Variants in MAML2 observed in about 807,000 individuals in gnomAD.
MAML2 encodes mastermind like transcriptional coactivator 2.
Under a neutral mutation model 96.1 loss-of-function variants are expected in MAML2, and 22 were observed. The ratio of observed to expected loss-of-function variants is 0.23; its 90% CI spans 0.16 to 0.33. The LOEUF is 0.33. Among genes scored for constraint, MAML2 ranks in the 10% least tolerant of loss-of-function variants. The pLI, the probability that MAML2 is intolerant of heterozygous loss-of-function variation, is 1.00. For synonymous variants in MAML2, 561 were observed against 521.3 expected, an observed-to-expected ratio of 1.08 and a Z score of -1.04; for missense variants, 1,367 against 1,392.4, an observed-to-expected ratio of 0.98 and a Z score of 0.29.
At chr11:96,246,479 A>G (rs1400815929) in intron 1 of MAML2, among the ~76,000 whole-genome samples, 4 of 152,122 alleles carry the variant, frequency 2.6e-5, no homozygotes. Flanking sequence ...GGTGTCAAGG[A>G]GGGCGTCAGA....
chr11:96,237,364 C>T (rs1173135013), intron 1 of MAML2, among the ~76,000 whole-genome samples: 4 of 152,208 alleles, frequency 2.6e-5, no homozygotes, highest in African/African-American at 9.6e-5. Context: ...ATGTTGATCT[C>T]TACCTTCCTT....
chr11:96,056,992 T>C (rs1161661092), intron 2 of MAML2, among the ~76,000 whole-genome samples: 2 of 152,234 alleles, frequency 1.3e-5, no homozygotes, highest in Non-Finnish European at 2.9e-5. Context: ...ACATCAGTAG[T>C]GTAGACTTTC....
intron 1 of MAML2, among the ~76,000 whole-genome samples, chr11:96,186,524 G>C (rs1861578059): frequency 6.6e-6 from 1 of 152,230 alleles, no homozygotes; most frequent in Admixed American, 6.5e-5. Context: ...GGGAGGTGGA[G>C]GTTGCGGTGA....
intron 2 of MAML2, among the ~76,000 whole-genome samples, chr11:96,023,194 C>T (rs1858462805): frequency 6.6e-6 from 1 of 152,140 alleles, no homozygotes; most frequent in Admixed American, 6.6e-5. Flanking sequence ...AACTTGGACC[C>T]TCATCAATCA....
At chr11:96,152,143 G>A (rs1860933677) in intron 1 of MAML2, among the ~76,000 whole-genome samples, 2 of 152,198 alleles carry the variant, frequency 1.3e-5, no homozygotes, top group Admixed American at 1.3e-4. Flanking sequence ...AGTTCACTAA[G>A]CCCAGGGGTT....
chr11:96,324,555 A>G (rs1339465250), intron 1 of MAML2, among the ~76,000 whole-genome samples: 1 of 152,228 alleles, frequency 6.6e-6, no homozygotes. Context: ...TAGATGTCTG[A>G]CACTATTGTA....
intron 1 of MAML2, among the ~76,000 whole-genome samples, chr11:96,148,705 CACAT>C (rs1413521877): frequency 2.1e-4 from 30 of 141,108 alleles, no homozygotes; most frequent in African/African-American, 5.7e-4. Flanking sequence ...CACACACACA[CACAT>C]AAGCACGCAC....
At chr11:96,328,385 T>C (rs1472158475) in intron 1 of MAML2, among the ~76,000 whole-genome samples, 1 of 151,986 alleles carries the variant, frequency 6.6e-6, no homozygotes, top group Admixed American at 6.6e-5. Context: ...AACCTAACAA[T>C]GAAGCTGAGT....
rs1403155812 is a variant in MAML2 at position 95,982,135 on chromosome 11, TTCA to T, written c.2456-2175_2456-2173del. Among the ~76,000 whole-genome samples, 10 of 152,348 alleles carry T rather than the reference TTCA, an allele frequency of 6.6e-5. 1 individual carries two copies. The highest frequency in any genetic ancestry group is 2.6e-4 in the Admixed American group (4 of 15,304). ...GTTTGTATTGCGTTTTGTTGCTTATTTCATCATCAGAAGACATGGGAAACGCAA... is the reference window on the plus strand; with the variant it reads ...GTTTGTATTGCGTTTTGTTGCTTATTTCATCAGAAGACATGGGAAACGCAA... On this transcript the variant is annotated intron_variant, in intron 4 of 4. Transcript: ENST00000524717.
chr11:96,146,400 G>A (rs1490672528), intron 1 of MAML2, among the ~76,000 whole-genome samples: 1 of 152,290 alleles, frequency 6.6e-6, no homozygotes, highest in East Asian at 1.9e-4. Context: ...TTTAAGAATT[G>A]TATACAATAT....
intron 2 of MAML2, among the ~76,000 whole-genome samples, chr11:95,996,087 T>TCAAC (rs5793765): frequency 0.01 from 1,585 of 152,002 alleles, 16 homozygotes; most frequent in South Asian, 0.017. Context: ...AATCAATCAA[T>TCAAC]CAATCAATCT....
At chr11:96,096,851 G>C (rs1859837887) in intron 1 of MAML2, among the ~76,000 whole-genome samples, 1 of 152,224 alleles carries the variant, frequency 6.6e-6, no homozygotes, top group Non-Finnish European at 1.5e-5. Context: ...ACCAAGCACA[G>C]CTGGAGGGAT....
At chr11:95,993,869 C>T (rs1857952441) in intron 2 of MAML2, among the ~76,000 whole-genome samples, 2 of 152,158 alleles carry the variant, frequency 1.3e-5, no homozygotes, top group Non-Finnish European at 2.9e-5. Flanking sequence ...TCACTGTGGT[C>T]CGTGCTTTAC....
At chr11:96,075,607 CAG>C (rs1197190550) in intron 2 of MAML2, among the ~76,000 whole-genome samples, 1 of 152,072 alleles carries the variant, frequency 6.6e-6, no homozygotes, top group African/African-American at 2.4e-5. Flanking sequence ...AGAGGGAAGA[CAG>C]ATAATTCTGG....
At chr11:96,012,954 CCTGTCTGGGCATTAT>C (rs1858288080) in intron 2 of MAML2, among the ~76,000 whole-genome samples, 1 of 152,182 alleles carries the variant, frequency 6.6e-6, no homozygotes, top group Admixed American at 6.5e-5. Context: ...TTTTTTATGA[CCTGTCTGGGCATTAT>C]CTATCTTAGT....
intron 1 of MAML2, among the ~76,000 whole-genome samples, chr11:96,277,876 A>G (rs1863011718): frequency 6.6e-6 from 1 of 151,960 alleles, no homozygotes; most frequent in South Asian, 2.1e-4. Flanking sequence ...GGCCTGGCAC[A>G]TAGTAGGTGC....
intron 2 of MAML2, among the ~76,000 whole-genome samples, chr11:96,074,572 C>T (rs1474993162): frequency 2.0e-5 from 3 of 152,176 alleles, no homozygotes; most frequent in Non-Finnish European, 2.9e-5. Context: ...GTGCAGATGA[C>T]GATGGCGGCG....
intron 2 of MAML2, among the ~76,000 whole-genome samples, chr11:96,046,585 A>G (rs1004905283): frequency 6.6e-6 from 1 of 152,186 alleles, no homozygotes; most frequent in Non-Finnish European, 1.5e-5. Context: ...ACACAGGACA[A>G]TTCTAGCCCC....
Position 96,148,082 on chromosome 11 carries a change from C to T in MAML2, c.514-54565G>A, listed in dbSNP as rs191894423. Among the ~76,000 whole-genome samples, 28 of 152,290 alleles carry T rather than the reference C, an allele frequency of 1.8e-4. No homozygotes were observed. The East Asian group carries it at 4.1e-3, about 22-fold the overall frequency. ...GACTGTGGTGCATTCATCTCTCCTGCGTATACACGACGAGCACACCTCATC... is the reference window on the plus strand; with the variant it reads ...GACTGTGGTGCATTCATCTCTCCTGTGTATACACGACGAGCACACCTCATC... On this transcript the variant is annotated intron_variant, in intron 1 of 4. Transcript: ENST00000524717.
Sources: gnomAD v4.1 joint callset for allele counts (sites outside exome capture counted in the v4.1 genomes callset) on GRCh38, gnomAD v4.1.1 for gene constraint, MANE v1.5 for transcripts, NCBI Gene and HGNC (gene_info 2026-07-23, HGNC 2026-07-21) for gene names.